Variants in TIAM1 observed in about 807,000 individuals in gnomAD.
TIAM1 encodes rho guanine nucleotide exchange factor TIAM1.
In TIAM1, 65 loss-of-function variants were observed where a neutral mutation model predicts 163.5. That is an observed-to-expected ratio of 0.40 (90% CI 0.33 to 0.49). The LOEUF is 0.49. TIAM1 is among the 20% of genes least tolerant of loss of function. The pLI, the probability that TIAM1 is intolerant of heterozygous loss-of-function variation, is 0.77. For missense variants in TIAM1, 1,789 were observed against 2,044.7 expected, an observed-to-expected ratio of 0.87 and a Z score of 2.41; for synonymous variants, 833 against 810.1, an observed-to-expected ratio of 1.03 and a Z score of -0.48.
At chr21:31,456,480 C>A (rs1379180603) in intron 2 of TIAM1, among the ~76,000 whole-genome samples, 2 of 152,220 alleles carry the variant, frequency 1.3e-5, no homozygotes, top group African/African-American at 4.8e-5. Flanking sequence ...AACTGGGAAA[C>A]GTCTGCTGCA....
chr21:31,543,787 G>A (rs2048396827), intron 1 of TIAM1, among the ~76,000 whole-genome samples: 1 of 152,190 alleles, frequency 6.6e-6, no homozygotes, highest in Non-Finnish European at 1.5e-5. Context: ...AACAAGGTCT[G>A]GACCAGTAGG....
intron 2 of TIAM1, among the ~76,000 whole-genome samples, chr21:31,400,919 C>A (rs1197468332): frequency 6.6e-6 from 1 of 151,944 alleles, no homozygotes; most frequent in Admixed American, 6.6e-5. Flanking sequence ...GGAGAAACCC[C>A]GGCTCTACTA....
At chr21:31,265,524 C>T (rs1022342736) in intron 4 of TIAM1, among the ~76,000 whole-genome samples, 1 of 152,048 alleles carries the variant, frequency 6.6e-6, no homozygotes, top group Admixed American at 6.5e-5. Flanking sequence ...TGCCAACCAC[C>T]GAGAGAAGCT....
intron 16 of TIAM1, chr21:31,160,324 C>A: frequency 5.0e-6 from 2 of 397,008 alleles, no homozygotes; most frequent in Non-Finnish European, 4.4e-6. Flanking sequence ...GGTAAAAGGA[C>A]AGAATACGGG....
At chr21:31,436,441 A>G (rs1445267299) in intron 2 of TIAM1, among the ~76,000 whole-genome samples, 2 of 152,100 alleles carry the variant, frequency 1.3e-5, no homozygotes, top group South Asian at 2.1e-4. Context: ...AACCTGGCCA[A>G]TATGGTGAAA....
rs140898445 is a variant in TIAM1, at chr21:31,203,191, C to T, written c.2389-179G>A. ...AGCCTGGAGTGCAATGGCGCAATCTCGGCTCACTGCAACCTTCGCCTCCTG... is the reference window on the plus strand; with the variant it reads ...AGCCTGGAGTGCAATGGCGCAATCTTGGCTCACTGCAACCTTCGCCTCCTG... On this transcript the variant is annotated intron_variant, in intron 11 of 27. Transcript: ENST00000541036. 1.2e-3 allele frequency among the ~76,000 whole-genome samples: 179 copies of T among 152,286 alleles called. 1 individual carries two copies. The highest frequency in any genetic ancestry group is 3.6e-3 in the African/African-American group (150 of 41,558).
rs1277604465 is a variant in TIAM1 at position 31,389,479 on chromosome 21, G to C, written c.-368-50057C>G. 7.9e-5 allele frequency among the ~76,000 whole-genome samples: 12 copies of C among 152,180 alleles called. No individual in the cohort carries two copies. In the East Asian group the frequency reaches 2.3e-3, roughly 29 times the overall value. ...CTGCCTCGGCCTCCCAAAGTGCTAG[G>C]ATTACAGGCGAGAGCCACCGCCCCC... is the stretch of plus-strand genomic sequence containing the variant. On this transcript the variant is annotated intron_variant, in intron 2 of 28. Transcript: ENST00000286827.
At chr21:31,498,435 G>A (rs2046736860) in intron 1 of TIAM1, among the ~76,000 whole-genome samples, 2 of 142,340 alleles carry the variant, frequency 1.4e-5, no homozygotes, top group African/African-American at 5.3e-5. Flanking sequence ...CCAGGCAAGG[G>A]ACCCCGCAGC....
At chr21:31,539,077 G>A (rs1220237263) in intron 1 of TIAM1, among the ~76,000 whole-genome samples, 1 of 152,158 alleles carries the variant, frequency 6.6e-6, no homozygotes, top group Admixed American at 6.5e-5. Context: ...TCCGGAGTCT[G>A]CTATCCTTCA....
In TIAM1 at chr21:31,276,864, T is replaced by C. The variant is rs1054925523; in HGVS notation, c.-144A>G. On this transcript the variant is annotated 5_prime_UTR_variant, in exon 3 of 28. Coordinates refer to ENST00000541036, the MANE Select transcript of TIAM1 (RefSeq NM_001353694.2). ...CGATGTCAGCACCTGCCCCCTGCGG[T>C]GGCCATCACAGTTTCATCTAAGTCT... 1.3e-5 allele frequency: 2 copies of C among 152,140 alleles called. No individual in the cohort carries two copies. Among genetic ancestry groups the C allele is most frequent in the African/African-American group, 4.8e-5 (2 of 41,426 alleles). The allele number at this position is 152,140 out of a possible 1,614,324, so 9.4% of individuals were successfully genotyped here.
At chr21:31,282,426 A>T (rs1362663747) in intron 2 of TIAM1, among the ~76,000 whole-genome samples, 1 of 152,204 alleles carries the variant, frequency 6.6e-6, no homozygotes, top group Non-Finnish European at 1.5e-5. Flanking sequence ...CTTCCAGGAA[A>T]TTCTTCTTGA....
intron 6 of TIAM1, among the ~76,000 whole-genome samples, chr21:31,228,220 T>TAAAAAAAAAA (rs71191197): frequency 6.1e-5 from 1 of 16,262 alleles, no homozygotes; most frequent in Admixed American, 1.2e-3. Flanking sequence ...CTCCTTTTTT[T>TAAAAAAAAAA]AAAAAAAAAA....
chr21:31,283,167 T>C (rs1327033175), intron 2 of TIAM1, among the ~76,000 whole-genome samples: 1 of 152,240 alleles, frequency 6.6e-6, no homozygotes, highest in East Asian at 1.9e-4. Context: ...GCTGGCACTG[T>C]GTTCATGGCA....
chr21:31,550,073 G>A (rs888852275), intron 1 of TIAM1, among the ~76,000 whole-genome samples: 29 of 151,694 alleles, frequency 1.9e-4, no homozygotes, highest in South Asian at 1.2e-3. Flanking sequence ...ACAGTGAGCC[G>A]AAATCGTGCC....
At chr21:31,532,528 T>C (rs762446066) in intron 1 of TIAM1, among the ~76,000 whole-genome samples, 7 of 152,242 alleles carry the variant, frequency 4.6e-5, no homozygotes, top group Admixed American at 1.3e-4. Context: ...TTACTCACAA[T>C]AGGCACTGAT....
intron 2 of TIAM1, among the ~76,000 whole-genome samples, chr21:31,278,074 G>C (rs2073382753): frequency 6.6e-6 from 1 of 152,060 alleles, no homozygotes; most frequent in African/African-American, 2.4e-5. Context: ...AATCTTCAGA[G>C]TCTCAAGAAA....
chr21:31,466,247 C>T (rs1332627917), intron 1 of TIAM1, among the ~76,000 whole-genome samples: 1 of 152,102 alleles, frequency 6.6e-6, no homozygotes, highest in East Asian at 1.9e-4. Context: ...GCCAATGAGC[C>T]GGGGAGGCGT....
intron 4 of TIAM1, among the ~76,000 whole-genome samples, chr21:31,259,772 G>A (rs1324553377): frequency 6.6e-6 from 1 of 151,960 alleles, no homozygotes; most frequent in Non-Finnish European, 1.5e-5. Context: ...ACTACCCTGT[G>A]CAAGTCCAGG....
At chr21:31,527,583 C>T (rs1454024104) in intron 1 of TIAM1, among the ~76,000 whole-genome samples, 2 of 152,102 alleles carry the variant, frequency 1.3e-5, no homozygotes, top group East Asian at 3.9e-4. Flanking sequence ...ACTAAATTCA[C>T]AGCTGACTCT....
Sources: allele counts gnomAD v4.1 joint callset (sites outside exome capture counted in the v4.1 genomes callset), GRCh38; gene constraint gnomAD v4.1.1; transcripts MANE v1.5; gene names NCBI Gene and HGNC (gene_info 2026-07-23, HGNC 2026-07-21).